Variants in PCDHA1 observed in about 807,000 individuals in gnomAD.
PCDHA1 encodes the protein protocadherin alpha 1.
PCDHA1 carries 42 observed loss-of-function variants against 61.3 expected under a neutral mutation model. That is an observed-to-expected ratio of 0.69 (90% CI 0.54 to 0.89). The LOEUF (loss-of-function observed/expected upper bound fraction) is 0.89, where lower values mean the gene tolerates loss of function less well. Among genes scored for constraint, PCDHA1 ranks in the 40% least tolerant of loss-of-function variants. The pLI, the probability that PCDHA1 is intolerant of heterozygous loss-of-function variation, is 0.00. For synonymous variants in PCDHA1, 610 were observed against 553.8 expected (o/e 1.10, Z -1.43); for missense variants, 1,256 against 1,235.3 (o/e 1.02, Z -0.25).
In PCDHA1 at chr5:140,788,408, G is replaced by A. The variant is rs1487786462; in HGVS notation, c.2118G>A (p.Ala706=). ...VNVYLIIAIC[A]VSSLLVLTLL... is the part of the protein sequence containing the mutation. The stretch of plus-strand genomic sequence containing the variant: ...TGTACCTGATCATCGCCATCTGCGC[G>A]GTGTCCAGCCTGCTGGTGCTCACAC... The change falls in exon 1 of 4, where the codon GCG becomes GCA. Residue 706 remains alanine (A), a synonymous_variant. Coordinates refer to ENST00000504120, the MANE Select transcript of PCDHA1 (RefSeq NM_018900.4). 1 of 1,614,062 alleles carries A rather than the reference G, an allele frequency of 6.2e-7. No homozygotes were observed.
intron 1 of PCDHA1, among the ~76,000 whole-genome samples, chr5:140,925,464 A>G (rs1181531744): frequency 6.6e-6 from 1 of 152,114 alleles, no homozygotes; most frequent in Non-Finnish European, 1.5e-5. Flanking sequence ...GTTGTGGCTC[A>G]GAGATGTTTC....
rs116648173 is a variant in PCDHA1, at chr5:140,807,153, G to A, written c.2394+18469G>A. The A allele has an allele frequency of 3.1e-4, 495 of 1,581,412 alleles. 3 individuals are homozygous for A. The African/African-American group carries it at 6.0e-3, about 19-fold the overall frequency. The stretch of plus-strand genomic sequence containing the variant: ...AAGATTTCCCTTGACTTTGAGAAAC[G>A]ATATTTAATCAGAACAAAATACTGT... On this transcript the variant is annotated intron_variant, in intron 1 of 3. Transcript: ENST00000504120.
chr5:141,002,873 G>C (rs780574639), intron 3 of PCDHA1, among the ~76,000 whole-genome samples: 44 of 152,148 alleles, frequency 2.9e-4, no homozygotes, highest in Admixed American at 2.6e-4. Context: ...AAGTCCTCAA[G>C]AACAGAAAGA....
intron 1 of PCDHA1, chr5:140,802,854 G>C: frequency 6.2e-7 from 1 of 1,613,770 alleles, no homozygotes; most frequent in Non-Finnish European, 8.5e-7. Context: ...GACGCTGCAG[G>C]TGTTCGTGCT....
At chr5:140,835,564 C>T (rs2150238347) in intron 1 of PCDHA1, 1 of 1,613,820 alleles carries the variant, frequency 6.2e-7, no homozygotes, top group African/African-American at 1.3e-5. Context: ...CCCCGCGTTC[C>T]CTTCAAGTTG....
intron 1 of PCDHA1, chr5:140,808,961 G>A (rs142493803): frequency 6.2e-7 from 1 of 1,613,440 alleles, no homozygotes; most frequent in African/African-American, 1.3e-5. Context: ...CCACGTGGTG[G>A]CAAAGGTGCG....
intron 1 of PCDHA1, chr5:140,829,054 C>G: frequency 6.2e-7 from 1 of 1,612,720 alleles, no homozygotes; most frequent in Non-Finnish European, 8.5e-7. Flanking sequence ...TCCTCATTGA[C>G]GCCACGGACA....
intron 1 of PCDHA1, chr5:140,836,533 T>C (rs1554136046): frequency 1.2e-6 from 2 of 1,613,852 alleles, no homozygotes; most frequent in South Asian, 1.1e-5. Flanking sequence ...ACCCTGCTGC[T>C]GTACACGGCG....
intron 1 of PCDHA1, chr5:140,797,462 C>G: frequency 6.3e-6 from 8 of 1,265,180 alleles, no homozygotes; most frequent in Non-Finnish European, 8.8e-6. Flanking sequence ...TTTATATCAT[C>G]CTACCGTGCG....
intron 1 of PCDHA1, chr5:140,822,290 A>T: frequency 6.2e-7 from 1 of 1,614,256 alleles, no homozygotes; most frequent in Non-Finnish European, 8.5e-7. Flanking sequence ...TACAGGTTAA[A>T]TCCAAACGAA....
At chr5:140,851,809 T>TA in intron 1 of PCDHA1, 1 of 948,344 alleles carries the variant, frequency 1.1e-6, no homozygotes, top group Non-Finnish European at 1.3e-6. Flanking sequence ...CAGTAATCCA[T>TA]AAGACAGAAA....
chr5:140,898,456 C>G (rs1333861280), intron 1 of PCDHA1, among the ~76,000 whole-genome samples: 2 of 152,134 alleles, frequency 1.3e-5, no homozygotes, highest in African/African-American at 2.4e-5. Flanking sequence ...AATCCTTTCC[C>G]CATTGCTTGT....
intron 1 of PCDHA1, chr5:140,877,134 C>G (rs1339173132): frequency 3.1e-6 from 5 of 1,613,594 alleles, no homozygotes; most frequent in African/African-American, 2.7e-5. Flanking sequence ...TGCAGGTGTT[C>G]GTGCTGGACG....
intron 1 of PCDHA1, among the ~76,000 whole-genome samples, chr5:140,943,312 A>G (rs1229555554): frequency 1.3e-5 from 2 of 150,890 alleles, no homozygotes; most frequent in African/African-American, 2.4e-5. Context: ...AGTCATTATT[A>G]GCAATATTGT....
intron 1 of PCDHA1, chr5:140,830,232 C>A (rs2150183147): frequency 1.2e-6 from 2 of 1,613,928 alleles, no homozygotes; most frequent in East Asian, 2.2e-5. Context: ...CTGGTCCTCA[C>A]GCTACTGCTG....
rs782773036 is a variant in PCDHA1 at position 140,870,430 on chromosome 5, G to T, written c.2394+81746G>T. 3 of 1,614,226 alleles carry T rather than the reference G, an allele frequency of 1.9e-6. No homozygotes were observed. In the African/African-American group the frequency reaches 4.0e-5, roughly 22 times the overall value. The stretch of plus-strand genomic sequence containing the variant: ...GTGGGCCACGGCCAGGGTATCCGTG[G>T]AGGTGGCCGACGTGAACGACAATGC... On this transcript the variant is annotated intron_variant, in intron 1 of 3. Transcript: ENST00000504120.
intron 1 of PCDHA1, chr5:140,876,494 T>C: frequency 1.2e-6 from 2 of 1,614,062 alleles, no homozygotes; most frequent in African/African-American, 1.3e-5. Flanking sequence ...GTGGAAGTTC[T>C]GGACGTGAAT....
rs151049201 is a variant in PCDHA1, at chr5:140,797,056, G to A, written c.2394+8372G>A. The A allele has an allele frequency of 9.7e-4, 1,560 of 1,613,760 alleles. 5 individuals are homozygous for A. The highest frequency in any genetic ancestry group is 1.1e-3 in the Non-Finnish European group (1,288 of 1,179,960). On this transcript the variant is annotated intron_variant, in intron 1 of 3. Transcript: ENST00000504120. ...AGAGGCTACGCTGGTGGATGTCAACGTGTACCTGATCATCGCCATCTGCGC... is the reference window on the plus strand; with the variant it reads ...AGAGGCTACGCTGGTGGATGTCAACATGTACCTGATCATCGCCATCTGCGC...
chr5:140,823,029 G>T, intron 1 of PCDHA1: 1 of 1,614,222 alleles, frequency 6.2e-7, no homozygotes, highest in African/African-American at 1.3e-5. Flanking sequence ...AGAGCGTGTC[G>T]GTCTATGAGC....
Sources: gnomAD v4.1 joint callset for allele counts (sites outside exome capture counted in the v4.1 genomes callset) on GRCh38, gnomAD v4.1.1 for gene constraint, MANE v1.5 for transcripts, NCBI Gene and HGNC (gene_info 2026-07-23, HGNC 2026-07-21) for gene names.